Variants in COL24A1 observed in about 807,000 individuals in gnomAD.
COL24A1 encodes collagen alpha-1(XXIV) chain.
In COL24A1, 224 loss-of-function variants were observed where a neutral mutation model predicts 253.9. The observed-to-expected ratio is 0.88, with a 90% CI of 0.79 to 0.99. The LOEUF is 0.99. COL24A1 is among the 50% of genes least tolerant of loss of function. COL24A1 has a pLI of 0.00. For missense variants in COL24A1, 2,131 were observed against 2,068.5 expected, an observed-to-expected ratio of 1.03 and a Z score of -0.59; for synonymous variants, 685 against 673.7, an observed-to-expected ratio of 1.02 and a Z score of -0.26.
intron 37 of COL24A1, among the ~76,000 whole-genome samples, chr1:85,856,319 G>A (rs1678435257): frequency 6.6e-6 from 1 of 152,052 alleles, no homozygotes; most frequent in African/African-American, 2.4e-5. Context: ...TTTAATGTAG[G>A]TAGGTATTTA....
intron 57 of COL24A1, among the ~76,000 whole-genome samples, chr1:85,740,891 C>T (rs1255969191): frequency 4.1e-5 from 6 of 145,586 alleles, no homozygotes; most frequent in African/African-American, 1.3e-4. Flanking sequence ...GGGCAGATCA[C>T]GAGGTCAGCA....
intron 19 of COL24A1, among the ~76,000 whole-genome samples, chr1:86,002,336 T>G (rs139666759): frequency 0.012 from 1,810 of 152,346 alleles, 41 homozygotes; most frequent in African/African-American, 0.04. Flanking sequence ...GGAGGGTGAC[T>G]GTAGACTACC....
intron 27 of COL24A1, among the ~76,000 whole-genome samples, chr1:85,908,373 G>A (rs1383440325): frequency 6.6e-6 from 1 of 151,608 alleles, no homozygotes; most frequent in Non-Finnish European, 1.5e-5. Flanking sequence ...AAGCATTTTA[G>A]TTTAGGTTGC....
chr1:85,874,831 G>T, intron 34 of COL24A1, 129 bp from the exon 35 acceptor site: 1 of 900,794 alleles, frequency 1.1e-6, no homozygotes, highest in Non-Finnish European at 1.7e-6. Context: ...GGCCTGTTAG[G>T]AAATGGGCTG....
intron 13 of COL24A1, 70 bp from the exon 14 acceptor site, chr1:86,031,992 AAC>A: frequency 7.9e-7 from 1 of 1,265,362 alleles, no homozygotes; most frequent in Non-Finnish European, 1.1e-6. Context: ...TCTGAAGATA[AAC>A]ACAAAACTTT....
chr1:85,823,793 G>T, intron 43 of COL24A1, 55 bp from the exon 44 acceptor site: 1 of 1,487,286 alleles, frequency 6.7e-7, no homozygotes, highest in South Asian at 1.2e-5. Context: ...TGACTTAAGA[G>T]AATAGGATAC....
intron 22 of COL24A1, among the ~76,000 whole-genome samples, chr1:85,967,629 T>C (rs766749319): frequency 1.3e-5 from 2 of 152,092 alleles, no homozygotes; most frequent in Non-Finnish European, 2.9e-5. Flanking sequence ...ATAAGATCAC[T>C]GGGGGAGAGC....
intron 58 of COL24A1, among the ~76,000 whole-genome samples, 186 bp downstream of exon 58, chr1:85,737,210 A>C (rs1050293257): frequency 1.3e-5 from 2 of 152,206 alleles, no homozygotes; most frequent in African/African-American, 4.8e-5. Context: ...CACAATCAAA[A>C]TGTCAAGATT....
intron 43 of COL24A1, among the ~76,000 whole-genome samples, chr1:85,825,778 T>C (rs1570774613): frequency 1.6e-5 from 2 of 121,872 alleles, no homozygotes. Flanking sequence ...GTTGTTTGTT[T>C]TTTTCTTGTA....
chr1:85,824,079 A>C (rs1248747758), intron 43 of COL24A1, among the ~76,000 whole-genome samples: 1 of 152,136 alleles, frequency 6.6e-6, no homozygotes, highest in African/African-American at 2.4e-5. Flanking sequence ...GATGTCACTA[A>C]GTTAAGGATC....
At chr1:85,917,229 C>T (rs1300835976) in intron 24 of COL24A1, among the ~76,000 whole-genome samples, 2 of 152,172 alleles carry the variant, frequency 1.3e-5, no homozygotes, top group Non-Finnish European at 2.9e-5. Context: ...TTTTAAAACG[C>T]ATACAATAAT....
At chr1:85,841,478 C>T (rs1570872127) in intron 41 of COL24A1, among the ~76,000 whole-genome samples, 200 bp from the exon 42 acceptor site, 1 of 152,122 alleles carries the variant, frequency 6.6e-6, no homozygotes, top group East Asian at 1.9e-4. Context: ...TTGGAGGTAT[C>T]AATCTCCTTT....
chr1:85,990,035 A>G (rs1694102864), intron 19 of COL24A1, among the ~76,000 whole-genome samples: 1 of 152,188 alleles, frequency 6.6e-6, no homozygotes, highest in African/African-American at 2.4e-5. Context: ...TATTCTCTGC[A>G]ACTAGTACAA....
At chr1:86,069,932 T>G (rs1334490439) in intron 7 of COL24A1, among the ~76,000 whole-genome samples, 1 of 152,120 alleles carries the variant, frequency 6.6e-6, no homozygotes, top group Non-Finnish European at 1.5e-5. Context: ...AATGAACATC[T>G]ACAAGTAACA....
intron 7 of COL24A1, among the ~76,000 whole-genome samples, chr1:86,088,335 C>T (rs1318612464): frequency 6.6e-6 from 1 of 152,126 alleles, no homozygotes; most frequent in African/African-American, 2.4e-5. Context: ...CAACACAGCT[C>T]ATTATTATAT....
rs190666104 is a variant in COL24A1 at position 85,861,485 on chromosome 1, G to A, written c.3300+7034C>T. ...TGAAGTCCAATTTATCTTAGAAGAC[G>A]TACTCCCATGTTTTCTTCTAAGACT... is the stretch of plus-strand genomic sequence containing the variant. On this transcript the variant is annotated intron_variant, in intron 37 of 59. Transcript: ENST00000370571. 2.5e-4 allele frequency among the ~76,000 whole-genome samples: 38 copies of A among 152,066 alleles called. 1 individual carries two copies. Among genetic ancestry groups the A allele is most frequent in the East Asian group, 2.1e-3 (11 of 5,186 alleles).
At chr1:85,955,453 C>T (rs776213234) in intron 24 of COL24A1, among the ~76,000 whole-genome samples, 22 of 152,202 alleles carry the variant, frequency 1.4e-4, no homozygotes, top group Non-Finnish European at 3.1e-4. Flanking sequence ...TAACACAAGC[C>T]GCCTGCAGAC....
chr1:85,748,409 A>C (rs1385238046), intron 55 of COL24A1, among the ~76,000 whole-genome samples: 3 of 152,232 alleles, frequency 2.0e-5, no homozygotes, highest in Non-Finnish European at 4.4e-5. Context: ...ATATTTAAAG[A>C]AGATAAGAAA....
chr1:86,037,971 C>A (rs530391549), intron 12 of COL24A1, among the ~76,000 whole-genome samples: 2 of 152,016 alleles, frequency 1.3e-5, no homozygotes, highest in Admixed American at 6.6e-5. Flanking sequence ...AAAAGTATTA[C>A]AATTTTTATA....
Sources: allele counts gnomAD v4.1 joint callset (sites outside exome capture counted in the v4.1 genomes callset), GRCh38; gene constraint gnomAD v4.1.1; transcripts MANE v1.5; gene names NCBI Gene and HGNC (gene_info 2026-07-23, HGNC 2026-07-21).